The following TADA2A variants were observed in gnomAD, a reference collection of about 807,000 sequenced individuals.
The protein encoded by TADA2A is transcriptional adapter 2-alpha.
In TADA2A, 38 loss-of-function variants were observed where a neutral mutation model predicts 67.4. The observed-to-expected ratio is 0.56, with a 90% CI of 0.44 to 0.74. The LOEUF (loss-of-function observed/expected upper bound fraction) is 0.74. Among genes scored for constraint, TADA2A ranks in the 30% least tolerant of loss-of-function variants. The pLI is 0.00. For missense variants in TADA2A, 454 were observed against 547.0 expected (o/e 0.83, Z 1.70); for synonymous variants, 192 against 181.6 (o/e 1.06, Z -0.46).
chr17:37,411,948 C>G (rs992597569), intron 2 of TADA2A, among the ~76,000 whole-genome samples: 1 of 151,730 alleles, frequency 6.6e-6, no homozygotes, highest in Non-Finnish European at 1.5e-5. Flanking sequence ...TGGTGGCTCA[C>G]GCCTGTAATC....
intron 9 of TADA2A, 63 bp downstream of exon 9, chr17:37,458,650 TGTG>T: frequency 8.9e-7 from 1 of 1,117,810 alleles, no homozygotes; most frequent in South Asian, 1.5e-5. Context: ...TGTGTGTGTG[TGTG>T]TGTGTGTGTG....
chr17:37,429,014 C>G (rs1400733643), intron 4 of TADA2A, among the ~76,000 whole-genome samples: 1 of 149,220 alleles, frequency 6.7e-6, no homozygotes, highest in African/African-American at 2.5e-5. Context: ...CCACTGCACT[C>G]CAGCCTGGGC....
At chr17:37,413,291 G>C (rs1307250355) in intron 2 of TADA2A, among the ~76,000 whole-genome samples, 1 of 152,102 alleles carries the variant, frequency 6.6e-6, no homozygotes, top group Non-Finnish European at 1.5e-5. Flanking sequence ...TATAAATTTA[G>C]GAGAGAATGG....
chr17:37,451,346 A>T (rs1409943608), intron 8 of TADA2A, among the ~76,000 whole-genome samples: 2 of 139,944 alleles, frequency 1.4e-5, no homozygotes, highest in Non-Finnish European at 1.5e-5. Context: ...TTTTTTTGAG[A>T]CGCCCTCTGT....
intron 1 of TADA2A, among the ~76,000 whole-genome samples, chr17:37,409,347 C>T (rs1344495973): frequency 6.6e-6 from 1 of 152,084 alleles, no homozygotes; most frequent in African/African-American, 2.4e-5. Context: ...CCTCAGTCTC[C>T]CAAAGTGCTG....
chr17:37,465,339 TC>T, intron 10 of TADA2A, 91 bp from the exon 11 acceptor site: 1 of 923,550 alleles, frequency 1.1e-6, no homozygotes, highest in Non-Finnish European at 1.6e-6. Context: ...ATAATGTTCT[TC>T]CATTTTACTA....
chr17:37,465,065 T>C (rs1010309636), intron 10 of TADA2A, among the ~76,000 whole-genome samples: 2 of 151,308 alleles, frequency 1.3e-5, no homozygotes, highest in East Asian at 3.9e-4. Context: ...GGAGAATTGC[T>C]TGAATCCAGG....
At position 37,444,688 on chromosome 17, in the gene TADA2A, C is replaced by T; in HGVS notation, c.532-8C>T. 6.2e-7 allele frequency: 1 copy of T among 1,613,416 alleles called. No homozygotes were observed. The highest frequency in any genetic ancestry group is 8.5e-7 in the Non-Finnish European group (1 of 1,179,714). ...TTGGGGTGGGGATTTTTTTGTTCCC[C>T]TAAACAGGAATTTGACAATTATGCA... On this transcript the variant is annotated splice_polypyrimidine_tract_variant and splice_region_variant and intron_variant, in intron 7 of 15. Coordinates refer to ENST00000615182, the MANE Select transcript of TADA2A (RefSeq NM_001166105.3).
rs1404433268 is a variant in TADA2A, at chr17:37,431,740, A to G, written c.192+4731A>G. ...CAGGCACACACCACCGTGCCCGGCT[A>G]ATTTTTGTAGAGACAGGGTTTCACC... On this transcript the variant is annotated intron_variant, in intron 4 of 15. Transcript: ENST00000615182. 2.0e-5 allele frequency among the ~76,000 whole-genome samples: 3 copies of G among 151,882 alleles called. No homozygotes were observed. The East Asian group carries it at 5.8e-4, about 29-fold the overall frequency.
rs548044481 is a variant in TADA2A at position 37,420,983 on chromosome 17, A to T, written c.26-2526A>T. On this transcript the variant is annotated intron_variant, in intron 2 of 15. Coordinates refer to ENST00000615182, the MANE Select transcript of TADA2A (RefSeq NM_001166105.3). ...TATCTGCATTTTTATGAGTTTTGAG[A>T]GTTTGGATTGTACTCCTTGTCTTCA... 1.9e-4 allele frequency among the ~76,000 whole-genome samples: 28 copies of T among 146,666 alleles called. 2 individuals are homozygous for T. Among genetic ancestry groups the T allele is most frequent in the African/African-American group, 6.7e-4 (27 of 40,570 alleles).
rs1482880843 is a variant in TADA2A at position 37,437,902 on chromosome 17, A to C, written c.284+73A>C. On this transcript the variant is annotated intron_variant, in intron 5 of 15. Transcript: ENST00000615182. The stretch of plus-strand genomic sequence containing the variant: ...AGAAGCTGTTGTTGAAGAGTAAAGG[A>C]AGGAACCTCAGGAAGAGAAAGTATG... The C allele has an allele frequency of 2.9e-6, 4 of 1,392,904 alleles. No homozygotes were observed. The African/African-American group carries it at 4.3e-5, about 15-fold the overall frequency. 86.3% of individuals were successfully genotyped at this position (1,392,904 alleles called of 1,614,324 possible). A position where few individuals can be genotyped will look rare whatever the true frequency, so the allele number is the denominator to read the frequency against.
chr17:37,441,072 G>T (rs1268176259), intron 6 of TADA2A, among the ~76,000 whole-genome samples: 3 of 151,206 alleles, frequency 2.0e-5, no homozygotes, highest in Non-Finnish European at 2.9e-5. Context: ...TCCAACCTGG[G>T]TGACAGAGTG....
chr17:37,422,334 G>A (rs1188261453), intron 2 of TADA2A, among the ~76,000 whole-genome samples: 4 of 149,072 alleles, frequency 2.7e-5, no homozygotes, highest in East Asian at 2.0e-4. Context: ...ATGAGCCACC[G>A]TGCCCAGCCA....
intron 8 of TADA2A, among the ~76,000 whole-genome samples, 199 bp from the exon 9 acceptor site, chr17:37,458,325 C>A (rs187214864): frequency 6.6e-6 from 1 of 151,992 alleles, no homozygotes; most frequent in African/African-American, 2.4e-5. Context: ...ATATAAATAG[C>A]GGAAAAATAA....
rs916027504 is a variant in TADA2A, at chr17:37,426,680, A to T, written c.133-270A>T. 699 of 230,734 alleles carry T rather than the reference A, an allele frequency of 3.0e-3. 25 individuals are homozygous for T. In the Admixed American group the frequency reaches 0.031, roughly 10 times the overall value. 14.3% of individuals were successfully genotyped at this position (230,734 alleles called of 1,614,324 possible). A position where few individuals can be genotyped will look rare whatever the true frequency, so the allele number is the denominator to read the frequency against. ...CTCCGTCTCAGAAAAAAAAAAAAAA[A>T]AAAAAAAAACTTGTCAAGAAGTGGT... is the stretch of plus-strand genomic sequence containing the variant. On this transcript the variant is annotated intron_variant, in intron 3 of 15. Coordinates refer to ENST00000615182, the MANE Select transcript of TADA2A (RefSeq NM_001166105.3).
intron 4 of TADA2A, among the ~76,000 whole-genome samples, chr17:37,435,940 T>G (rs550644174): frequency 2.6e-5 from 4 of 152,044 alleles, no homozygotes; most frequent in African/African-American, 9.6e-5. Context: ...GTCTCAAAAC[T>G]CCTGAGCCCA....
chr17:37,433,912 CCA>C (rs1011750537), intron 4 of TADA2A, among the ~76,000 whole-genome samples: 1 of 151,880 alleles, frequency 6.6e-6, no homozygotes, highest in Non-Finnish European at 1.5e-5. Context: ...CGAGATCATG[CCA>C]CTGCACTCCA....
chr17:37,463,516 G>C (rs190602736), intron 10 of TADA2A, among the ~76,000 whole-genome samples: 1 of 151,928 alleles, frequency 6.6e-6, no homozygotes, highest in Non-Finnish European at 1.5e-5. Context: ...TGAGGCAGCG[G>C]ATCACTTGAG....
intron 7 of TADA2A, among the ~76,000 whole-genome samples, chr17:37,443,134 C>A (rs185835331): frequency 6.6e-6 from 1 of 152,140 alleles, no homozygotes; most frequent in East Asian, 1.9e-4. Context: ...TAAACTGCAC[C>A]CTAGACAACA....
Sources: allele counts gnomAD v4.1 joint callset (sites outside exome capture counted in the v4.1 genomes callset), GRCh38; gene constraint gnomAD v4.1.1; transcripts MANE v1.5; gene names NCBI Gene and HGNC (gene_info 2026-07-23, HGNC 2026-07-21).